Variants in CRYBG3 observed in about 807,000 individuals in gnomAD.
CRYBG3 encodes the protein crystallin beta-gamma domain containing 3, also known as very large A-kinase anchor protein.
CRYBG3 carries 127 observed loss-of-function variants against 244.2 expected under a neutral mutation model. The ratio of observed to expected loss-of-function variants is 0.52; its 90% confidence interval spans 0.45 to 0.60. The LOEUF (loss-of-function observed/expected upper bound fraction) is 0.60. Among genes scored for constraint, CRYBG3 ranks in the 20% least tolerant of loss-of-function variants. CRYBG3 has a pLI of 0.00. For synonymous variants in CRYBG3, 1,132 were observed against 1,195.8 expected (o/e 0.95, Z 1.10); for missense variants, 3,325 against 3,442.5 (o/e 0.97, Z 0.85).
chr3:97,931,964 T>C (rs1391485787), intron 17 of CRYBG3, among the ~76,000 whole-genome samples: 1 of 152,044 alleles, frequency 6.6e-6, no homozygotes, highest in Non-Finnish European at 1.5e-5. Flanking sequence ...AAAAAATACA[T>C]ATACACAATG....
chr3:97,913,872 G>A (rs831878), intron 16 of CRYBG3, among the ~76,000 whole-genome samples: 115,488 of 152,118 alleles, frequency 0.76, 44,504 homozygotes, highest in East Asian at 0.85. Context: ...TGTCTTTGTC[G>A]GTAATTAGCT....
At chr3:97,870,360 G>A (rs1030612971) in intron 3 of CRYBG3, among the ~76,000 whole-genome samples, 1 of 152,080 alleles carries the variant, frequency 6.6e-6, no homozygotes. Context: ...TGTACTCAAC[G>A]TTTACCTTCC....
intron 7 of CRYBG3, among the ~76,000 whole-genome samples, chr3:97,882,249 A>T (rs1433143493): frequency 6.6e-6 from 1 of 152,054 alleles, no homozygotes; most frequent in Non-Finnish European, 1.5e-5. Flanking sequence ...AGTATTACAG[A>T]ATACTCCTAA....
At chr3:97,890,323 C>G (rs1392424218) in intron 10 of CRYBG3, among the ~76,000 whole-genome samples, 1 of 152,146 alleles carries the variant, frequency 6.6e-6, no homozygotes, top group Non-Finnish European at 1.5e-5. Flanking sequence ...TATTTGCAGT[C>G]AAGATGTAAA....
At chr3:97,886,540 G>A (rs938304953) in intron 7 of CRYBG3, 91 bp from the exon 8 acceptor site, 13 of 852,390 alleles carry the variant, frequency 1.5e-5, no homozygotes, top group Non-Finnish European at 2.2e-5. Context: ...ACTCAATAAT[G>A]AGAACAGTGT....
intron 19 of CRYBG3, among the ~76,000 whole-genome samples, chr3:97,939,763 ACT>A (rs2040205024): frequency 6.6e-6 from 1 of 152,094 alleles, no homozygotes; most frequent in African/African-American, 2.4e-5. Context: ...TAAGTACACT[ACT>A]GTTGCATTGT....
At chr3:97,844,462 G>A (rs1404493893) in intron 2 of CRYBG3, among the ~76,000 whole-genome samples, 1 of 152,148 alleles carries the variant, frequency 6.6e-6, no homozygotes, top group African/African-American at 2.4e-5. Flanking sequence ...TTACTTCTGA[G>A]ATCTCAAACT....
At position 97,874,396 on chromosome 3, in the gene CRYBG3, G is replaced by A; in HGVS notation, c.3202G>A (p.Glu1068Lys). Reference protein sequence around the residue: ...DSVSSSSSYPEEVSMIVNSHK... With the variant: ...DSVSSSSSYPKEVSMIVNSHK... ...TGTGTCATCTTCCTCTAGTTACCCT[G>A]AAGAAGTTAGCATGATAGTAAATTC... Residue 1068 changes from glutamate to lysine, a missense_variant, in exon 4 of 22, where the codon GAA becomes AAA. Physicochemically the swap from Glu to Lys is moderately conservative, Grantham distance 56. Transcript: ENST00000389622. The A allele has an allele frequency of 6.5e-7, 1 of 1,533,934 alleles. No homozygotes were observed. Among genetic ancestry groups the A allele is most frequent in the South Asian group, 1.2e-5 (1 of 83,324 alleles).
intron 1 of CRYBG3, among the ~76,000 whole-genome samples, chr3:97,828,520 C>A (rs1576505529): frequency 7.1e-6 from 1 of 141,580 alleles, no homozygotes; most frequent in Non-Finnish European, 1.5e-5. Flanking sequence ...CTCCAAGATA[C>A]ATTAAGTTAA....
intron 1 of CRYBG3, among the ~76,000 whole-genome samples, chr3:97,830,169 A>G (rs1230307413): frequency 1.3e-4 from 20 of 152,192 alleles, no homozygotes; most frequent in Admixed American, 1.2e-3. Context: ...GTGCTGTACT[A>G]TGGTTACTTT....
intron 14 of CRYBG3, among the ~76,000 whole-genome samples, chr3:97,900,199 T>C (rs1172993965): frequency 6.6e-6 from 1 of 151,990 alleles, no homozygotes; most frequent in South Asian, 2.1e-4. Context: ...TTAAGCAAAA[T>C]TAACTGGGCA....
At position 97,872,441 on chromosome 3, in the gene CRYBG3, G is replaced by A; in HGVS notation, c.1247G>A (p.Ser416Asn). ...ATAAAAGAAAACAGCACTGTGATGA[G>A]TAATAGGACATTGGTGCAAAGAGAG... is the stretch of plus-strand genomic sequence containing the variant. The part of the protein sequence containing the change: ...NTIKENSTVM[S>N]NRTLVQREEL... The change falls in exon 4 of 22, where the codon AGT becomes AAT. Residue 416 changes from serine (S) to asparagine (N), a missense_variant. This residue lies in a region of CRYBG3 where 1,526 missense variants were observed against 1,443.2 expected (regional missense o/e 1.06). Transcript: ENST00000389622. The A allele has an allele frequency of 6.5e-7, 1 of 1,535,998 alleles. No individual in the cohort carries two copies. The highest frequency in any genetic ancestry group is 1.4e-5 in the African/African-American group (1 of 73,168).
At chr3:97,858,828 T>C (rs762419409) in intron 2 of CRYBG3, among the ~76,000 whole-genome samples, 2 of 152,212 alleles carry the variant, frequency 1.3e-5, no homozygotes, top group Non-Finnish European at 2.9e-5. Context: ...CTTTTCTTGG[T>C]TGTCTGTTAC....
intron 17 of CRYBG3, among the ~76,000 whole-genome samples, chr3:97,917,778 G>C (rs868813660): frequency 1.3e-5 from 2 of 152,076 alleles, no homozygotes; most frequent in African/African-American, 4.8e-5. Flanking sequence ...CATAAGATTT[G>C]GGTAAAATAA....
chr3:97,876,560 G>C lies in CRYBG3; in HGVS notation c.5366G>C (p.Arg1789Pro). 8.1e-7 allele frequency: 1 copy of C among 1,232,202 alleles called. No individual in the cohort carries two copies. Among genetic ancestry groups the C allele is most frequent in the Non-Finnish European group, 1.0e-6 (1 of 988,040 alleles). The allele number at this position is 1,232,202 out of a possible 1,614,324, so 76.3% of individuals were successfully genotyped here. Residue 1789 changes from arginine (R) to proline (P), a missense_variant, in exon 4 of 22, where the codon CGA (arginine) becomes CCA (proline). By Grantham distance (103) the Arg-to-Pro change is moderately radical (BLOSUM62 -2). Transcript: ENST00000389622. ...GTGTTGAAAATGGAAGCTACTTACC[G>C]AAAGACTGCTGAAGAGGTCATTAAG... is the stretch of plus-strand genomic sequence containing the variant. Reference protein sequence around the residue: ...GSVLKMEATYRKTAEEVIKNT... With the variant: ...GSVLKMEATYPKTAEEVIKNT...
chr3:97,853,344 C>G lies in CRYBG3; in HGVS notation c.216+10083C>G, dbSNP rs577732790. Among the ~76,000 whole-genome samples the G allele has an allele frequency of 4.6e-5, 7 of 151,956 alleles. No individual in the cohort carries two copies. In the East Asian group the frequency reaches 1.4e-3, roughly 29 times the overall value. On this transcript the variant is annotated intron_variant, in intron 2 of 21. Coordinates refer to ENST00000389622, the MANE Select transcript of CRYBG3 (RefSeq NM_153605.4). ...TTGCTGCAAATGCCATTATTTCATTCCTTTTTATGGCTGAGTAGTATTCCA... is the reference window on the plus strand; with the variant it reads ...TTGCTGCAAATGCCATTATTTCATTGCTTTTTATGGCTGAGTAGTATTCCA...
intron 18 of CRYBG3, among the ~76,000 whole-genome samples, chr3:97,935,302 A>G (rs1470090011): frequency 6.6e-6 from 1 of 152,072 alleles, no homozygotes; most frequent in Non-Finnish European, 1.5e-5. Context: ...AACTTCCCTG[A>G]CAGTTTAAAG....
At chr3:97,924,819 C>T (rs1367826349) in intron 17 of CRYBG3, among the ~76,000 whole-genome samples, 3 of 152,026 alleles carry the variant, frequency 2.0e-5, no homozygotes, top group African/African-American at 7.2e-5. Flanking sequence ...TGTAAAGTAC[C>T]TCTTGACCAT....
intron 11 of CRYBG3, among the ~76,000 whole-genome samples, chr3:97,895,197 A>G (rs2039625895): frequency 6.6e-6 from 1 of 152,162 alleles, no homozygotes; most frequent in Admixed American, 6.6e-5. Context: ...CGGATTTGAG[A>G]AGGCCAACTT....
Sources: allele counts gnomAD v4.1 joint callset (sites outside exome capture counted in the v4.1 genomes callset), GRCh38; gene constraint gnomAD v4.1.1; regional missense constraint gnomAD v4.1.1; transcripts MANE v1.5; gene names NCBI Gene and HGNC (gene_info 2026-07-23, HGNC 2026-07-21).